The following USH2A variants were observed in gnomAD, a reference collection of about 807,000 sequenced individuals.
USH2A encodes the protein Usher syndrome 2A (autosomal recessive, mild).
USH2A carries 443 observed loss-of-function variants against 538.9 expected under a neutral mutation model. The ratio of observed to expected loss-of-function variants is 0.82; its 90% confidence interval spans 0.76 to 0.89. The LOEUF (loss-of-function observed/expected upper bound fraction) is 0.89. USH2A is among the 40% of genes least tolerant of loss of function. The pLI is 0.00. For missense variants in USH2A, 6,633 were observed against 6,324.8 expected, an observed-to-expected ratio of 1.05 and a Z score of -1.65; for synonymous variants, 2,413 against 2,273.5, an observed-to-expected ratio of 1.06 and a Z score of -1.75.
At chr1:215,655,823 C>T (rs1657233457) in intron 64 of USH2A, among the ~76,000 whole-genome samples, 1 of 149,640 alleles carries the variant, frequency 6.7e-6, no homozygotes, top group Non-Finnish European at 1.5e-5. Context: ...GCGATCTCCA[C>T]CTCCTGGGTT....
At chr1:215,684,617 A>G (rs908088232) in intron 61 of USH2A, among the ~76,000 whole-genome samples, 1 of 152,154 alleles carries the variant, frequency 6.6e-6, no homozygotes, top group African/African-American at 2.4e-5. Flanking sequence ...AACCAAAACA[A>G]TGATGTATAG....
intron 36 of USH2A, among the ~76,000 whole-genome samples, chr1:215,970,387 T>C (rs1215986962): frequency 6.6e-6 from 1 of 152,202 alleles, no homozygotes; most frequent in African/African-American, 2.4e-5. Context: ...AGCCAACTTA[T>C]CTTTCTTTCA....
At chr1:216,351,040 T>A (rs1438127750) in intron 4 of USH2A, among the ~76,000 whole-genome samples, 2 of 152,142 alleles carry the variant, frequency 1.3e-5, no homozygotes, top group Non-Finnish European at 2.9e-5. Context: ...TAATGCTGCA[T>A]GGAAGCTGCC....
chr1:215,753,536 T>C lies in USH2A; in HGVS notation c.11389+5059A>G, dbSNP rs141992885. Among the ~76,000 whole-genome samples the C allele has an allele frequency of 0.033, 5,059 of 152,166 alleles. 489 individuals are homozygous for C. In the East Asian group the frequency reaches 0.36, roughly 11 times the overall value. On this transcript the variant is annotated intron_variant, in intron 58 of 71. Coordinates refer to ENST00000307340, the MANE Select transcript of USH2A (RefSeq NM_206933.4). ...GGGACACAGATGAAGGTGGAAACCATCATTCTCGGCAAACTATCACAAGGA... is the reference window on the plus strand; with the variant it reads ...GGGACACAGATGAAGGTGGAAACCACCATTCTCGGCAAACTATCACAAGGA...
rs1437635493 is a variant in USH2A, at chr1:216,134,878, T to A, written c.4628-37665A>T. On this transcript the variant is annotated intron_variant, in intron 21 of 71. Coordinates refer to ENST00000307340, the MANE Select transcript of USH2A (RefSeq NM_206933.4). ...TGGCAAGTAAAGAGCTATGCCAAAG[T>A]GAGCTTTAGGGTGAGGATCACAGCC... 3.9e-5 allele frequency among the ~76,000 whole-genome samples: 6 copies of A among 152,222 alleles called. No homozygotes were observed. The South Asian group carries it at 1.2e-3, about 32-fold the overall frequency.
intron 4 of USH2A, among the ~76,000 whole-genome samples, chr1:216,345,689 T>C (rs2038161885): frequency 6.6e-6 from 1 of 152,150 alleles, no homozygotes; most frequent in Admixed American, 6.6e-5. Flanking sequence ...TATATTTCTG[T>C]TAGAAAGAGG....
Position 215,779,994 on chromosome 1 carries a change from T to G in USH2A, c.10788A>C (p.Pro3596=). 1 of 1,614,124 alleles carries G rather than the reference T, an allele frequency of 6.2e-7. No individual in the cohort carries two copies. The highest frequency in any genetic ancestry group is 8.5e-7 in the Non-Finnish European group (1 of 1,180,022). The change falls in exon 55 of 72, where the codon CCA becomes CCC. Residue 3596 remains proline, a synonymous_variant. Coordinates refer to ENST00000307340, the MANE Select transcript of USH2A (RefSeq NM_206933.4). ...TQGVPESILP[P]SITALSAVAL... is the part of the protein sequence containing the mutation. Reference sequence around the variant, plus strand: ...CCACTGCACTTAGGGCTGTGATGCTTGGTGGCAGGATGCTCTCCGGAACTC... The same window carrying G: ...CCACTGCACTTAGGGCTGTGATGCTGGGTGGCAGGATGCTCTCCGGAACTC...
chr1:215,871,684 T>C (rs1043639413), intron 43 of USH2A, among the ~76,000 whole-genome samples: 1 of 152,230 alleles, frequency 6.6e-6, no homozygotes, highest in African/African-American at 2.4e-5. Flanking sequence ...AGCCATAATG[T>C]ATATAAAATT....
chr1:215,838,100 C>T lies in USH2A; in HGVS notation c.9262G>A (p.Glu3088Lys), dbSNP rs56056328. 7.3e-3 allele frequency: 11,710 copies of T among 1,612,766 alleles called. 56 individuals carry two copies. The highest frequency in any genetic ancestry group is 8.4e-3 in the Middle Eastern group (51 of 6,060). Reference sequence around the variant, plus strand: ...ACGCAGGCATATATTGTGCAGACTTCAACCTGCAAACATTAGTTTAGAAAA... The same window carrying T: ...ACGCAGGCATATATTGTGCAGACTTTAACCTGCAAACATTAGTTTAGAAAA... ...SPFTIYDIQV[E>K]VCTIYACVKS... The change falls in exon 47 of 72, where the codon GAA (glutamate) becomes AAA (lysine). Residue 3088 changes from glutamate to lysine, a missense_variant. Physicochemically the swap from Glu to Lys is moderately conservative, Grantham distance 56. Transcript: ENST00000307340.
At chr1:216,051,063 G>A (rs1366572526) in intron 30 of USH2A, among the ~76,000 whole-genome samples, 2 of 151,510 alleles carry the variant, frequency 1.3e-5, no homozygotes, top group Non-Finnish European at 2.9e-5. Flanking sequence ...TTCCTTTACT[G>A]ACTCATGTTC....
At chr1:216,380,368 A>C (rs1228314173) in intron 3 of USH2A, among the ~76,000 whole-genome samples, 1 of 152,202 alleles carries the variant, frequency 6.6e-6, no homozygotes, top group Non-Finnish European at 1.5e-5. Flanking sequence ...GCACCAGAAT[A>C]CAGAGCCAGA....
At chr1:216,073,663 A>G (rs1012728853) in intron 27 of USH2A, among the ~76,000 whole-genome samples, 7 of 152,244 alleles carry the variant, frequency 4.6e-5, no homozygotes, top group African/African-American at 1.7e-4. Flanking sequence ...ATGTCTCTTA[A>G]TTCTGAAAGA....
chr1:216,422,584 C>A, intron 1 of USH2A, 44 bp from the exon 2 acceptor site: 1 of 490,550 alleles, frequency 2.0e-6, no homozygotes. Flanking sequence ...GCTGCTGCAC[C>A]TTTAAAACTG....
intron 35 of USH2A, among the ~76,000 whole-genome samples, chr1:215,988,822 G>GA (rs1282928924): frequency 6.6e-6 from 1 of 152,156 alleles, no homozygotes; most frequent in East Asian, 1.9e-4. Context: ...AGTATGTACT[G>GA]AACCAACTAG....
intron 21 of USH2A, among the ~76,000 whole-genome samples, chr1:216,122,235 C>T (rs1027106537): frequency 5.3e-5 from 8 of 151,910 alleles, no homozygotes; most frequent in Middle Eastern, 6.8e-3. Context: ...GCTGCAAGCA[C>T]GGGAGAAAAG....
chr1:215,778,736 G>C (rs1284517908), intron 55 of USH2A, among the ~76,000 whole-genome samples: 1 of 152,132 alleles, frequency 6.6e-6, no homozygotes, highest in Admixed American at 6.5e-5. Context: ...TGGGAAAAAA[G>C]GGAAAGTTTA....
intron 49 of USH2A, among the ~76,000 whole-genome samples, chr1:215,801,962 C>G (rs543368640): frequency 8.8e-4 from 133 of 151,820 alleles, no homozygotes; most frequent in Non-Finnish European, 1.7e-3. Context: ...AAAAATGAAC[C>G]CTTGCATATA....
At chr1:215,663,306 T>G (rs999924242) in intron 64 of USH2A, among the ~76,000 whole-genome samples, 6 of 152,232 alleles carry the variant, frequency 3.9e-5, no homozygotes, top group Non-Finnish European at 5.9e-5. Context: ...GGCATCCTAC[T>G]AGACACACAG....
chr1:216,217,283 A>C, intron 15 of USH2A, 104 bp downstream of exon 15: 1 of 1,449,408 alleles, frequency 6.9e-7, no homozygotes, highest in Non-Finnish European at 9.5e-7. Flanking sequence ...TTCACATTGT[A>C]CTAAGCCTTT....
Sources: allele counts gnomAD v4.1 joint callset (sites outside exome capture counted in the v4.1 genomes callset), GRCh38; gene constraint gnomAD v4.1.1; transcripts MANE v1.5; gene names NCBI Gene and HGNC (gene_info 2026-07-23, HGNC 2026-07-21).